ZNF467: variants seen among roughly 807,000 people sequenced by gnomAD.
The protein encoded by ZNF467 is zinc finger protein EZI.
Under a neutral mutation model 47.8 loss-of-function variants are expected in ZNF467, and 51 were observed. The observed-to-expected ratio is 1.07, with a 90% CI of 0.85 to 1.35. The LOEUF is 1.35. Ranked by LOEUF, ZNF467 falls within the 40% of genes most tolerant of loss-of-function variation. The pLI, the probability that ZNF467 is intolerant of heterozygous loss-of-function variation, is 0.00. For synonymous variants in ZNF467, 416 were observed against 372.9 expected, an observed-to-expected ratio of 1.12 and a Z score of -1.33; for missense variants, 992 against 858.1, an observed-to-expected ratio of 1.16 and a Z score of -1.95.
rs1177717624 is a variant in ZNF467, at chr7:149,764,961, G to A, written c.1541C>T (p.Pro514Leu). The A allele has an allele frequency of 6.3e-7, 1 of 1,589,832 alleles. No individual in the cohort carries two copies. Among genetic ancestry groups the A allele is most frequent in the Non-Finnish European group, 8.5e-7 (1 of 1,174,074 alleles). Residue 514 changes from proline to leucine, a missense_variant, in exon 5 of 5, where the codon CCC (proline) becomes CTC (leucine). Pro to Leu is a moderately conservative substitution (Grantham distance 98). Coordinates refer to ENST00000302017, the MANE Select transcript of ZNF467 (RefSeq NM_207336.3). ...RHQAVHTGSR[P>L]HACAVCARSF... ...GCGGGCGCAGACGGCGCAGGCGTGGGGGCGGCTGCCAGTGTGCACCGCCTG... is the reference window on the plus strand; with the variant it reads ...GCGGGCGCAGACGGCGCAGGCGTGGAGGCGGCTGCCAGTGTGCACCGCCTG...
At position 149,769,267 on chromosome 7, in the gene ZNF467, G is replaced by A. The variant is rs1799316841; in HGVS notation, c.152-67C>T. ...CAGATGGCCAAAGGGCCCCACTGGT[G>A]CTGGGAAGCAGGAGCATTTGAAACC... On this transcript the variant is annotated intron_variant, in intron 3 of 4. Transcript: ENST00000302017. The surrounding 1 kb of genome is among the most constrained non-coding windows in gnomAD (Gnocchi z 5.3). 1 of 1,395,396 alleles carries A rather than the reference G, an allele frequency of 7.2e-7. No homozygotes were observed. Among genetic ancestry groups the A allele is most frequent in the Non-Finnish European group, 9.6e-7 (1 of 1,036,372 alleles). 86.4% of individuals were successfully genotyped at this position (1,395,396 alleles called of 1,614,324 possible).
intron 2 of ZNF467, among the ~76,000 whole-genome samples, 193 bp downstream of exon 2, chr7:149,770,806 A>G (rs1799377981): frequency 6.6e-6 from 1 of 152,232 alleles, no homozygotes; most frequent in Non-Finnish European, 1.5e-5. Context: ...TCAAGTGCAC[A>G]TATGGTCTAG....
rs770884846 is a variant in ZNF467, at chr7:149,764,943, C to T, written c.1559G>A (p.Cys520Tyr). Residue 520 changes from cysteine to tyrosine, a missense_variant, in exon 5 of 5, where the codon TGC becomes TAC. By Grantham distance (194) the Cys-to-Tyr change is radical. Coordinates refer to ENST00000302017, the MANE Select transcript of ZNF467 (RefSeq NM_207336.3). ...TGSRPHACAV[C>Y]ARSFSSKTNL... ...GGTTTTGGAGCTGAAGCTGCGGGCG[C>T]AGACGGCGCAGGCGTGGGGGCGGCT... The T allele has an allele frequency of 6.3e-7, 1 of 1,580,536 alleles. No individual in the cohort carries two copies. Among genetic ancestry groups the T allele is most frequent in the East Asian group, 2.3e-5 (1 of 44,336 alleles).
Position 149,765,848 on chromosome 7 carries a change from G to A in ZNF467, c.654C>T (p.Cys218=). Residue 218 remains cysteine, a synonymous_variant, in exon 5 of 5, where the codon TGC becomes TGT. Coordinates refer to ENST00000302017, the MANE Select transcript of ZNF467 (RefSeq NM_207336.3). ...TGCTGAAGCGCTTGTCGCACTCGGA[G>A]CACGGGAAAGGCCGCTCGCCGCGGT... ...RSHRGERPFP[C]SECDKRFSKK... The A allele has an allele frequency of 6.2e-7, 1 of 1,607,130 alleles. No individual in the cohort carries two copies. Among genetic ancestry groups the A allele is most frequent in the Non-Finnish European group, 8.5e-7 (1 of 1,177,234 alleles).
At position 149,770,524 on chromosome 7, in the gene ZNF467, G is replaced by C. The variant is rs371781113; in HGVS notation, c.67C>G (p.Gln23Glu). Residue 23 changes from glutamine (Q) to glutamate (E), a missense_variant, in exon 3 of 5, where the codon CAA becomes GAA. Physicochemically the swap from Gln to Glu is conservative, Grantham distance 29. Coordinates refer to ENST00000302017, the MANE Select transcript of ZNF467 (RefSeq NM_207336.3). ...FSVGQPEMAP[Q>E]SEPREGSHNA... is the part of the protein sequence containing the mutation. ...TGGGATCCTTCCCTGGGCTCACTTT[G>C]GGGGGCCATCTCTGGCTGTCCCACA... 9.3e-6 allele frequency: 15 copies of C among 1,613,546 alleles called. No homozygotes were observed. The highest frequency in any genetic ancestry group is 1.3e-5 in the Non-Finnish European group (15 of 1,179,758).
At chr7:149,775,006 C>T (rs146480200), upstream of ZNF467, among the ~76,000 whole-genome samples, 44 of 152,224 alleles carry the variant, frequency 2.9e-4, no homozygotes, top group East Asian at 1.7e-3. Context: ...CCCGGGTGTC[C>T]GGGTGTGCTC....
rs753027082 is a variant in ZNF467 at position 149,771,078 on chromosome 7, T to C, written c.-42-4A>G. 5 of 1,613,550 alleles carry C rather than the reference T, an allele frequency of 3.1e-6. No homozygotes were observed. The highest frequency in any genetic ancestry group is 1.7e-4 in the Middle Eastern group (1 of 6,058). On this transcript the variant is annotated splice_region_variant and splice_polypyrimidine_tract_variant and intron_variant, in intron 1 of 4. Transcript: ENST00000302017. The stretch of plus-strand genomic sequence containing the variant: ...CCTGGGGATCAGGCCACAGAACCTA[T>C]GGAGAAAAGACAGCCTTGTTCAGAT...
upstream of ZNF467, among the ~76,000 whole-genome samples, chr7:149,773,961 C>G (rs1376655906): frequency 6.6e-6 from 1 of 152,138 alleles, no homozygotes; most frequent in Non-Finnish European, 1.5e-5. Context: ...AGAACGGGTC[C>G]TTCGAAGTAG....
Position 149,765,117 on chromosome 7 carries a change from G to C in ZNF467, c.1385C>G (p.Thr462Arg), listed in dbSNP as rs1465989495. ...VHTGERPFAC[T>R]QCDRRFGSRP... The stretch of plus-strand genomic sequence containing the variant: ...CGAGCCGAAGCGGCGGTCACACTGC[G>C]TGCAGGCGAAGGGCCGTTCGCCCGT... Residue 462 changes from threonine to arginine, a missense_variant, in exon 5 of 5, where the codon ACG (threonine) becomes AGG (arginine). Thr to Arg is a moderately conservative substitution (Grantham distance 71). Transcript: ENST00000302017. The C allele has an allele frequency of 4.1e-6, 6 of 1,475,600 alleles. No individual in the cohort carries two copies. The African/African-American group carries it at 8.7e-5, about 22-fold the overall frequency. The allele number at this position is 1,475,600 out of a possible 1,614,324, so 91.4% of individuals were successfully genotyped here.
chr7:149,773,061 G>A (rs914575738), intron 1 of ZNF467, 47 bp downstream of exon 1: 1 of 149,988 alleles, frequency 6.7e-6, no homozygotes, highest in African/African-American at 2.5e-5. Flanking sequence ...CGGCGCTGAG[G>A]GAGACGCGGG....
Position 149,769,018 on chromosome 7 carries a change from AGCTCCGG to A in ZNF467, c.262+65_262+71del, listed in dbSNP as rs1459342406. 4 of 1,318,914 alleles carry A rather than the reference AGCTCCGG, an allele frequency of 3.0e-6. No individual in the cohort carries two copies. The highest frequency in any genetic ancestry group is 4.1e-6 in the Non-Finnish European group (4 of 976,246). 81.7% of individuals were successfully genotyped at this position (1,318,914 alleles called of 1,614,324 possible). A position where few individuals can be genotyped will look rare whatever the true frequency, so the allele number is the denominator to read the frequency against. On this transcript the variant is annotated intron_variant, in intron 4 of 4. Coordinates refer to ENST00000302017, the MANE Select transcript of ZNF467 (RefSeq NM_207336.3). The surrounding 1 kb of genome is among the most constrained non-coding windows in gnomAD (Gnocchi z 5.3). The stretch of plus-strand genomic sequence containing the variant: ...GGGATTACCTGCCTCATGAGATAGC[AGCTCCGG>A]AGCTTGCTGGGCCCCGTTCCCTTGG...
chr7:149,771,520 G>A (rs1405585338), intron 1 of ZNF467, among the ~76,000 whole-genome samples: 1 of 152,156 alleles, frequency 6.6e-6, no homozygotes, highest in African/African-American at 2.4e-5. Context: ...AGCCAGCCCA[G>A]GGGCGGGAGT....
In ZNF467 at chr7:149,764,728, G is replaced by A; in HGVS notation, c.1774C>T (p.Pro592Ser). Residue 592 changes from proline to serine, a missense_variant, in exon 5 of 5, where the codon CCG (proline) becomes TCG (serine). Physicochemically the swap from Pro to Ser is moderately conservative, Grantham distance 74 (BLOSUM62 -1). Transcript: ENST00000302017. ...GAGAACTAGGCTCAGAAGAAGAGCG[G>A]GGGCGGCGCCACCTCGGGGGGAGCG... ...WSAPPEVAPP[P>S]LFF 6 of 1,560,354 alleles carry A rather than the reference G, an allele frequency of 3.8e-6. No homozygotes were observed. The highest frequency in any genetic ancestry group is 5.2e-6 in the Non-Finnish European group (6 of 1,149,480).
In ZNF467 at chr7:149,765,385, G is replaced by A. The variant is rs1219102597; in HGVS notation, c.1117C>T (p.His373Tyr). Reference protein sequence around the residue: ...SFGWKKNLATHQCLHRSEGRP... With the variant: ...SFGWKKNLATYQCLHRSEGRP... ...CCCTCGCTGCGGTGCAGACACTGGT[G>A]CGTGGCGAGGTTCTTTTTCCAGCCG... The change falls in exon 5 of 5, where the codon CAC becomes TAC. Residue 373 changes from histidine (H) to tyrosine (Y), a missense_variant. Physicochemically the swap from His to Tyr is moderately conservative, Grantham distance 83 (BLOSUM62 2). Transcript: ENST00000302017. The A allele has an allele frequency of 2.6e-6, 4 of 1,566,392 alleles. No homozygotes were observed. The highest frequency in any genetic ancestry group is 3.5e-6 in the Non-Finnish European group (4 of 1,156,610).
At chr7:149,776,097 C>T (rs1478009962), upstream of ZNF467, 1 of 1,363,756 alleles carries the variant, frequency 7.3e-7, no homozygotes, top group African/African-American at 1.5e-5. Context: ...GACGGGTAAG[C>T]AGCCCACCCT....
chr7:149,770,959 C>T (rs1799383055), intron 2 of ZNF467, 40 bp downstream of exon 2: 1 of 1,613,964 alleles, frequency 6.2e-7, no homozygotes, highest in Non-Finnish European at 8.5e-7. Flanking sequence ...CTGAATCCTC[C>T]TAAGCTTTTC....
rs563045809 is a variant in ZNF467, at chr7:149,769,132, C to A, written c.220G>T (p.Ala74Ser). Reference protein sequence around the residue: ...EQAEAPCRGQACSAQKAQPVG... With the variant: ...EQAEAPCRGQSCSAQKAQPVG... ...GGCTGAGCCTTCTGTGCTGAGCACG[C>A]CTGGCCTCTGCAGGGAGCCTCGGCT... The change falls in exon 4 of 5, where the codon GCG becomes TCG. Residue 74 changes from alanine to serine, a missense_variant. By Grantham distance (99) the Ala-to-Ser change is moderately conservative. Coordinates refer to ENST00000302017, the MANE Select transcript of ZNF467 (RefSeq NM_207336.3). This position sits in a 1 kb window ranked among gnomAD's most constrained non-coding sequence, Gnocchi z 5.3. 5 of 1,561,146 alleles carry A rather than the reference C, an allele frequency of 3.2e-6. No individual in the cohort carries two copies. The highest frequency in any genetic ancestry group is 4.3e-6 in the Non-Finnish European group (5 of 1,151,698).
At chr7:149,776,111 C>T (rs1347592147), upstream of ZNF467, 1 of 1,359,976 alleles carries the variant, frequency 7.4e-7, no homozygotes, top group East Asian at 4.6e-5. Flanking sequence ...CCACCCTGGA[C>T]CCCTCTGACA....
intron 4 of ZNF467, among the ~76,000 whole-genome samples, 159 bp from the exon 5 acceptor site, chr7:149,766,398 C>A (rs1385006074): frequency 6.6e-6 from 1 of 152,202 alleles, no homozygotes; most frequent in East Asian, 1.9e-4. Context: ...TTCTCAGGCC[C>A]CCTCCTGCAT....
Sources: gnomAD v4.1 joint callset for allele counts (sites outside exome capture counted in the v4.1 genomes callset) on GRCh38, gnomAD v4.1.1 for gene constraint, Gnocchi (gnomAD v3.1) non-coding constraint, MANE v1.5 for transcripts, NCBI Gene and HGNC (gene_info 2026-07-23, HGNC 2026-07-21) for gene names.